PHLPP1: variants seen among roughly 807,000 people sequenced by gnomAD.
PHLPP1 encodes the protein PH domain leucine-rich repeat-containing protein phosphatase 1.
Under a neutral mutation model 117.2 loss-of-function variants are expected in PHLPP1, and 42 were observed. That is an observed-to-expected ratio of 0.36 (90% CI 0.28 to 0.46). The LOEUF (loss-of-function observed/expected upper bound fraction) is 0.46, where lower values mean the gene tolerates loss of function less well. PHLPP1 is among the 20% of genes least tolerant of loss of function. The pLI is 1.00. For missense variants in PHLPP1, 2,084 were observed against 2,241.9 expected, an observed-to-expected ratio of 0.93 and a Z score of 1.42; for synonymous variants, 1,042 against 970.7, an observed-to-expected ratio of 1.07 and a Z score of -1.37.
chr18:62,898,013 C>CTTTCT, intron 6 of PHLPP1, among the ~76,000 whole-genome samples: 1 of 68,184 alleles, frequency 1.5e-5, no homozygotes. Flanking sequence ...AATTCCTCCT[C>CTTTCT]CCTTCTCCTC....
At chr18:62,857,445 T>C (rs1183012498) in intron 3 of PHLPP1, among the ~76,000 whole-genome samples, 1 of 152,214 alleles carries the variant, frequency 6.6e-6, no homozygotes, top group Non-Finnish European at 1.5e-5. Flanking sequence ...AGAGAAGTCC[T>C]CTGATTAACC....
rs74786241 is a variant in PHLPP1 at position 62,978,503 on chromosome 18, A to G, written c.4226A>G (p.Tyr1409Cys). The G allele has an allele frequency of 6.2e-7, 1 of 1,607,708 alleles. No individual in the cohort carries two copies. The highest frequency in any genetic ancestry group is 2.2e-5 in the East Asian group (1 of 44,574). ...AAGCTGTGTACCCTGGCCCAGAGCT[A>G]CGGCTGCCACGACAGCATCAGCGCT... ...AKKLCTLAQSYGCHDSISAVV... is the reference protein window; with the variant it reads ...AKKLCTLAQSCGCHDSISAVV... Residue 1409 changes from tyrosine (Y) to cysteine (C), a missense_variant, in exon 17 of 17, where the codon TAC becomes TGC. Physicochemically the swap from Tyr to Cys is radical, Grantham distance 194. Transcript: ENST00000262719. This position sits in a 1 kb window ranked among gnomAD's most constrained non-coding sequence, Gnocchi z 7.0.
chr18:62,876,560 A>G (rs1305937010), intron 4 of PHLPP1, among the ~76,000 whole-genome samples: 2 of 152,204 alleles, frequency 1.3e-5, no homozygotes, highest in Non-Finnish European at 2.9e-5. Flanking sequence ...ACTGAACTGA[A>G]TTGTTGGTTT....
chr18:62,898,015 C>CTCTCCTCT (rs1916608215), intron 6 of PHLPP1, among the ~76,000 whole-genome samples: 1 of 144,406 alleles, frequency 6.9e-6, no homozygotes, highest in Non-Finnish European at 1.5e-5. Context: ...TTCCTCCTCC[C>CTCTCCTCT]TTCTCCTCTT....
intron 3 of PHLPP1, among the ~76,000 whole-genome samples, chr18:62,859,592 A>G (rs1469400408): frequency 6.6e-6 from 1 of 152,242 alleles, no homozygotes; most frequent in Non-Finnish European, 1.5e-5. Context: ...GAAGATGTGT[A>G]CAAGGTCAGT....
At chr18:62,776,289 T>A (rs1912953562) in intron 1 of PHLPP1, among the ~76,000 whole-genome samples, 1 of 152,160 alleles carries the variant, frequency 6.6e-6, no homozygotes, top group Admixed American at 6.5e-5. Context: ...AGGCTGGAAA[T>A]GTAGACAGGA....
chr18:62,849,155 T>A (rs1915257237), intron 3 of PHLPP1, among the ~76,000 whole-genome samples: 2 of 152,180 alleles, frequency 1.3e-5, no homozygotes, highest in Non-Finnish European at 2.9e-5. Context: ...AAGAGTTATT[T>A]AAGAAATCTG....
At chr18:62,855,136 T>G (rs1915460358) in intron 3 of PHLPP1, among the ~76,000 whole-genome samples, 1 of 152,214 alleles carries the variant, frequency 6.6e-6, no homozygotes, top group Non-Finnish European at 1.5e-5. Flanking sequence ...CTTAAGCTCT[T>G]GGAAGAGTGC....
intron 11 of PHLPP1, among the ~76,000 whole-genome samples, chr18:62,943,953 G>A (rs1910203893): frequency 6.6e-6 from 1 of 152,066 alleles, no homozygotes; most frequent in African/African-American, 2.4e-5. Flanking sequence ...ATATTAAAAG[G>A]TCTGACTTCA....
chr18:62,882,081 T>G (rs766821040), intron 4 of PHLPP1, among the ~76,000 whole-genome samples: 5 of 152,182 alleles, frequency 3.3e-5, no homozygotes, highest in Non-Finnish European at 7.4e-5. Flanking sequence ...GGCTTCCTTA[T>G]GTAACTATTA....
chr18:62,978,343 C>G lies in PHLPP1; in HGVS notation c.4066C>G (p.His1356Asp), dbSNP rs746189691. 23 of 1,612,982 alleles carry G rather than the reference C, an allele frequency of 1.4e-5. No individual in the cohort carries two copies. Among genetic ancestry groups the G allele is most frequent in the East Asian group, 2.2e-5 (1 of 44,866 alleles). The change falls in exon 17 of 17, where the codon CAC (histidine) becomes GAC (aspartate). Residue 1356 changes from histidine (H) to aspartate (D), a missense_variant. By Grantham distance (81) the His-to-Asp change is moderately conservative. Transcript: ENST00000262719. The surrounding 1 kb of genome is among the most constrained non-coding windows in gnomAD (Gnocchi z 7.0). ...CCATCCCAGTGTGGTGCCTCGCCCC[C>G]ACGTGCAGTCCGTGCTCCTGACTCC... is the stretch of plus-strand genomic sequence containing the variant. ...FLHPSVVPRP[H>D]VQSVLLTPQD...
chr18:62,794,086 A>G (rs9966773), intron 1 of PHLPP1, among the ~76,000 whole-genome samples: 6,655 of 152,278 alleles, frequency 0.044, 160 homozygotes, highest in Middle Eastern at 0.078. Flanking sequence ...TGTGGCTCTC[A>G]TGGAAGATTA....
chr18:62,961,011 A>G (rs1451914389), intron 13 of PHLPP1, among the ~76,000 whole-genome samples: 2 of 152,112 alleles, frequency 1.3e-5, no homozygotes, highest in Non-Finnish European at 2.9e-5. Flanking sequence ...AAGATATACA[A>G]GATGGCCGGG....
chr18:62,828,658 TG>T (rs1423944125), intron 1 of PHLPP1, among the ~76,000 whole-genome samples: 1 of 152,232 alleles, frequency 6.6e-6, no homozygotes, highest in African/African-American at 2.4e-5. Context: ...TGGAGTTTCT[TG>T]TTATTTATTT....
At chr18:62,817,851 C>CTTT (rs71340119) in intron 1 of PHLPP1, among the ~76,000 whole-genome samples, 6 of 85,958 alleles carry the variant, frequency 7.0e-5, no homozygotes, top group South Asian at 4.2e-4. Context: ...TGGCAACAGA[C>CTTT]TTTTTTTTTT....
intron 4 of PHLPP1, among the ~76,000 whole-genome samples, chr18:62,878,838 G>A (rs1916106942): frequency 6.6e-6 from 1 of 152,062 alleles, no homozygotes; most frequent in African/African-American, 2.4e-5. Flanking sequence ...TCTGATACAT[G>A]TGATAAATAT....
chr18:62,886,271 ATTGT>A (rs984171045), intron 4 of PHLPP1, among the ~76,000 whole-genome samples: 6 of 152,118 alleles, frequency 3.9e-5, no homozygotes, highest in South Asian at 2.1e-4. Context: ...AGTCATGCAC[ATTGT>A]TTGTTTGTTT....
chr18:62,905,137 G>A (rs1213380964), intron 7 of PHLPP1, 87 bp from the exon 8 acceptor site: 1 of 658,488 alleles, frequency 1.5e-6, no homozygotes, highest in Non-Finnish European at 2.3e-6. Context: ...AGAGAATAAA[G>A]CACAGTAATG....
intron 3 of PHLPP1, among the ~76,000 whole-genome samples, chr18:62,842,147 T>C (rs1308629797): frequency 6.6e-6 from 1 of 152,232 alleles, no homozygotes; most frequent in African/African-American, 2.4e-5. Context: ...ATGATGGTCA[T>C]CCTTGATGGG....
Sources: allele counts gnomAD v4.1 joint callset (sites outside exome capture counted in the v4.1 genomes callset), GRCh38; gene constraint gnomAD v4.1.1; non-coding constraint Gnocchi (gnomAD v3.1); transcripts MANE v1.5; gene names NCBI Gene and HGNC (gene_info 2026-07-23, HGNC 2026-07-21).